The following CORO2B variants were observed in gnomAD, a reference collection of about 807,000 sequenced individuals.
The protein encoded by CORO2B is coronin 2B, also known as coronin-2B.
CORO2B carries 26 observed loss-of-function variants against 58.8 expected under a neutral mutation model. That is an observed-to-expected ratio of 0.44 (90% CI 0.32 to 0.61). The LOEUF is 0.61. Among genes scored for constraint, CORO2B ranks in the 20% least tolerant of loss-of-function variants. CORO2B has a pLI of 0.04. For missense variants in CORO2B, 460 were observed against 645.1 expected (o/e 0.71, Z 3.11); for synonymous variants, 242 against 253.8 (o/e 0.95, Z 0.44).
chr15:68,603,102 G>A (rs1900023998), intron 1 of CORO2B, among the ~76,000 whole-genome samples: 1 of 152,136 alleles, frequency 6.6e-6, no homozygotes, highest in Admixed American at 6.5e-5. Flanking sequence ...GGTTGCCTGG[G>A]GTGAGAGAGT....
the CORO2B span, among the ~76,000 whole-genome samples, chr15:68,519,815 A>C: frequency 6.6e-6 from 1 of 152,230 alleles, no homozygotes; most frequent in African/African-American, 2.4e-5. Flanking sequence ...CAGGCTATAC[A>C]TAGCTCTCTA....
chr15:68,606,448 C>A (rs1041381249), intron 1 of CORO2B, among the ~76,000 whole-genome samples: 1 of 152,144 alleles, frequency 6.6e-6, no homozygotes, highest in African/African-American at 2.4e-5. Flanking sequence ...CTGTGTTCCC[C>A]AGCATAGGGC....
chr15:68,691,254 C>CCG (rs1485345576), intron 2 of CORO2B, among the ~76,000 whole-genome samples: 1 of 147,106 alleles, frequency 6.8e-6, no homozygotes, highest in Non-Finnish European at 1.5e-5. Context: ...GCGTGAACCC[C>CCG]GGGGGGCAGA....
At chr15:68,715,987 A>T (rs1256694426) in intron 8 of CORO2B, among the ~76,000 whole-genome samples, 3 of 152,138 alleles carry the variant, frequency 2.0e-5, no homozygotes, top group African/African-American at 4.8e-5. Context: ...TCTGCGGGTG[A>T]TCCTCTTTGG....
chr15:68,713,027 T>C (rs1423283304), intron 5 of CORO2B, among the ~76,000 whole-genome samples: 1 of 152,138 alleles, frequency 6.6e-6, no homozygotes, highest in Admixed American at 6.5e-5. Flanking sequence ...CACTGCCCCA[T>C]TGGCCTCTTT....
rs529970513 is a variant in CORO2B at position 68,711,290 on chromosome 15, A to G, written c.484-252A>G. Among the ~76,000 whole-genome samples the G allele has an allele frequency of 7.7e-4, 117 of 152,330 alleles. 2 individuals are homozygous for G. The South Asian group carries it at 0.011, about 15-fold the overall frequency. On this transcript the variant is annotated intron_variant, in intron 4 of 11. Transcript: ENST00000261861. The stretch of plus-strand genomic sequence containing the variant: ...GACCACATGGGACCTGACAAGGAAC[A>G]TGTATCCTTCTTGCTCTTCCATAAA...
At chr15:68,593,549 G>T (rs906893348) in intron 1 of CORO2B, among the ~76,000 whole-genome samples, 7 of 152,124 alleles carry the variant, frequency 4.6e-5, no homozygotes, top group African/African-American at 1.7e-4. Context: ...TGACTGAGCT[G>T]GAACAATAAG....
intron 1 of CORO2B, among the ~76,000 whole-genome samples, chr15:68,596,840 A>G (rs1036534128): frequency 1.3e-5 from 2 of 152,140 alleles, no homozygotes; most frequent in Admixed American, 6.5e-5. Context: ...CGCATCACGC[A>G]GAGCACTCCC....
intron 1 of CORO2B, among the ~76,000 whole-genome samples, chr15:68,623,200 T>C (rs1900574236): frequency 6.6e-6 from 1 of 151,894 alleles, no homozygotes; most frequent in Non-Finnish European, 1.5e-5. Flanking sequence ...TAAAAAAAGA[T>C]GAGGAAGCAG....
At chr15:68,521,074 A>T in the CORO2B span, among the ~76,000 whole-genome samples, 1 of 152,210 alleles carries the variant, frequency 6.6e-6, no homozygotes, top group Admixed American at 6.5e-5. Context: ...TTGTCTTTTA[A>T]ATGAAGTATT....
At chr15:68,658,234 G>A (rs754224556) in intron 2 of CORO2B, among the ~76,000 whole-genome samples, 36 of 152,344 alleles carry the variant, frequency 2.4e-4, no homozygotes, top group Middle Eastern at 3.4e-3. Context: ...AGCTTGGGTC[G>A]GTAGGAGCCC....
At chr15:68,676,663 C>A (rs74387979) in intron 2 of CORO2B, among the ~76,000 whole-genome samples, 4 of 152,224 alleles carry the variant, frequency 2.6e-5, no homozygotes, top group African/African-American at 9.6e-5. Context: ...TGCTAGCATG[C>A]GCACACCGCA....
intron 2 of CORO2B, among the ~76,000 whole-genome samples, chr15:68,681,990 C>A (rs1039816863): frequency 7.9e-5 from 12 of 152,164 alleles, no homozygotes; most frequent in African/African-American, 2.9e-4. Context: ...AAGACAGCTC[C>A]GGAGGGCCCA....
intron 1 of CORO2B, among the ~76,000 whole-genome samples, chr15:68,585,191 C>T (rs929402614): frequency 1.3e-5 from 2 of 152,130 alleles, no homozygotes; most frequent in African/African-American, 2.4e-5. Flanking sequence ...ATGGTGGGGA[C>T]GGTCCCCTCT....
chr15:68,589,617 A>G (rs535252283), intron 1 of CORO2B, among the ~76,000 whole-genome samples: 4 of 152,348 alleles, frequency 2.6e-5, no homozygotes, highest in South Asian at 2.1e-4. Flanking sequence ...GGCTCCCCCA[A>G]GTTACTGCTC....
At chr15:68,721,791 A>G (rs1322610836) in intron 11 of CORO2B, among the ~76,000 whole-genome samples, 1 of 152,014 alleles carries the variant, frequency 6.6e-6, no homozygotes, top group Non-Finnish European at 1.5e-5. Context: ...CCTGTCTCCC[A>G]GACTGCAGTG....
the CORO2B span, among the ~76,000 whole-genome samples, chr15:68,557,117 C>A: frequency 6.6e-6 from 1 of 152,228 alleles, no homozygotes; most frequent in Non-Finnish European, 1.5e-5. Context: ...GTGAAGCCTA[C>A]TTGCCTCTGC....
the CORO2B span, among the ~76,000 whole-genome samples, chr15:68,556,531 A>G: frequency 6.6e-6 from 1 of 152,224 alleles, no homozygotes; most frequent in African/African-American, 2.4e-5. Context: ...TACAGCACTC[A>G]GGCCCGAGAT....
At chr15:68,693,072 T>A (rs1892422182) in intron 2 of CORO2B, among the ~76,000 whole-genome samples, 1 of 152,242 alleles carries the variant, frequency 6.6e-6, no homozygotes, top group South Asian at 2.1e-4. Context: ...TATCCTCTAA[T>A]TTTCCCACAA....
Sources: gnomAD v4.1 joint callset for allele counts (sites outside exome capture counted in the v4.1 genomes callset) on GRCh38, gnomAD v4.1.1 for gene constraint, MANE v1.5 for transcripts, NCBI Gene and HGNC (gene_info 2026-07-23, HGNC 2026-07-21) for gene names.